KMT2E: variants seen among roughly 807,000 people sequenced by gnomAD.
KMT2E encodes lysine methyltransferase 2E (inactive).
A neutral mutation model predicts 184.6 loss-of-function variants in KMT2E; 30 were observed. The observed-to-expected ratio is 0.16, with a 90% CI of 0.12 to 0.22. The LOEUF (loss-of-function observed/expected upper bound fraction) is 0.22. Ranked by LOEUF, KMT2E falls within the 10% of genes least tolerant of loss-of-function variation. The pLI, the probability that KMT2E is intolerant of heterozygous loss-of-function variation, is 1.00. For missense variants in KMT2E, 2,023 were observed against 2,237.4 expected (o/e 0.90, Z 1.93); for synonymous variants, 815 against 776.5 (o/e 1.05, Z -0.82).
At chr7:105,084,634 A>G (rs1335349002) in intron 13 of KMT2E, among the ~76,000 whole-genome samples, 1 of 151,754 alleles carries the variant, frequency 6.6e-6, no homozygotes, top group Non-Finnish European at 1.5e-5. Flanking sequence ...CTCAAGAAAA[A>G]AAAAAAAATT....
intron 4 of KMT2E, among the ~76,000 whole-genome samples, chr7:105,062,768 C>T (rs1204150597): frequency 6.6e-6 from 1 of 151,686 alleles, no homozygotes; most frequent in Non-Finnish European, 1.5e-5. Flanking sequence ...AAAAGCCTAT[C>T]TAACTTATTA....
intron 26 of KMT2E, chr7:105,111,073 T>A (rs761026229): frequency 2.4e-5 from 13 of 551,882 alleles, no homozygotes; most frequent in African/African-American, 3.8e-5. Flanking sequence ...GACCAAACAT[T>A]CAAGTTTTCT....
chr7:105,018,493 G>A (rs1562871241), intron 1 of KMT2E, among the ~76,000 whole-genome samples: 1 of 152,170 alleles, frequency 6.6e-6, no homozygotes, highest in African/African-American at 2.4e-5. Context: ...AATATGTAGG[G>A]TGATCAGGGA....
intron 1 of KMT2E, among the ~76,000 whole-genome samples, chr7:105,024,351 A>G (rs1014260533): frequency 2.0e-5 from 3 of 152,216 alleles, no homozygotes; most frequent in Non-Finnish European, 2.9e-5. Flanking sequence ...GTGTTTAAAC[A>G]AAAGGTATGG....
chr7:105,096,273 A>G (rs1319668328), intron 15 of KMT2E, among the ~76,000 whole-genome samples: 1 of 141,726 alleles, frequency 7.1e-6, no homozygotes, highest in Non-Finnish European at 1.5e-5. Flanking sequence ...AAAAAAAAAG[A>G]CACTTCCTCC....
chr7:105,036,317 T>A (rs1321791906), intron 1 of KMT2E, among the ~76,000 whole-genome samples: 1 of 151,644 alleles, frequency 6.6e-6, no homozygotes, highest in East Asian at 1.9e-4. Context: ...GGATTACAGG[T>A]GTATCCACAC....
intron 3 of KMT2E, among the ~76,000 whole-genome samples, chr7:105,052,186 C>G (rs10953464): frequency 0.19 from 28,860 of 152,118 alleles, 3,485 homozygotes; most frequent in East Asian, 0.58. Flanking sequence ...CTCACTATTA[C>G]TTCCATATTG....
chr7:105,052,729 TTTTTTTTA>T (rs1438399722), intron 3 of KMT2E, among the ~76,000 whole-genome samples: 1 of 151,702 alleles, frequency 6.6e-6, no homozygotes, highest in Admixed American at 6.6e-5. Flanking sequence ...CAGCTAATTT[TTTTTTTTA>T]TTTTTTTATT....
In KMT2E at chr7:105,113,195, T is replaced by C. The variant is rs1799406955; in HGVS notation, c.5439T>C (p.Pro1813=). 1.9e-6 allele frequency: 3 copies of C among 1,614,242 alleles called. No homozygotes were observed. The highest frequency in any genetic ancestry group is 2.5e-6 in the Non-Finnish European group (3 of 1,180,038). The stretch of plus-strand genomic sequence containing the variant: ...CACCTACTGCTTCAGGGTTCTGTCC[T>C]CATCCTGGCTCTGTGGCCCTGCCAC... ...IPTPTASGFC[P]HPGSVALPHG... Residue 1813 remains proline, a synonymous_variant, in exon 27 of 27, where the codon CCT becomes CCC. Coordinates refer to ENST00000311117, the MANE Select transcript of KMT2E (RefSeq NM_182931.3).
At chr7:105,081,104 G>A (rs143480475) in intron 12 of KMT2E, among the ~76,000 whole-genome samples, 83 of 148,946 alleles carry the variant, frequency 5.6e-4, no homozygotes, top group African/African-American at 1.9e-3. Context: ...TGATGAGGCT[G>A]GGTGCGGTGG....
At chr7:105,075,304 A>C (rs1797483581) in intron 8 of KMT2E, among the ~76,000 whole-genome samples, 1 of 151,502 alleles carries the variant, frequency 6.6e-6, no homozygotes, top group South Asian at 2.1e-4. Context: ...CTCTAAATGG[A>C]GTTCACACTT....
chr7:105,069,106 C>T (rs1285897323), intron 6 of KMT2E, among the ~76,000 whole-genome samples: 1 of 152,000 alleles, frequency 6.6e-6, no homozygotes, highest in Non-Finnish European at 1.5e-5. Flanking sequence ...ACTTCTGTGC[C>T]CCAAATTCAG....
chr7:105,072,725 G>A (rs565547637), intron 6 of KMT2E, among the ~76,000 whole-genome samples: 1 of 152,162 alleles, frequency 6.6e-6, no homozygotes, highest in East Asian at 1.9e-4. Context: ...AGACCAGCCT[G>A]ACCAACATGG....
rs186577834 is a variant in KMT2E at position 105,029,945 on chromosome 7, A to G, written c.-188-8181A>G. On this transcript the variant is annotated intron_variant, in intron 1 of 26. Coordinates refer to ENST00000311117, the MANE Select transcript of KMT2E (RefSeq NM_182931.3). ...GAAGGAGGAGAGATTTATGTGTTAGAAAAAGGGAAATTGTGGTTTAATCAA... is the reference window on the plus strand; with the variant it reads ...GAAGGAGGAGAGATTTATGTGTTAGGAAAAGGGAAATTGTGGTTTAATCAA... Among the ~76,000 whole-genome samples the G allele has an allele frequency of 1.5e-3, 234 of 152,274 alleles. 1 individual carries two copies. The highest frequency in any genetic ancestry group is 5.3e-3 in the African/African-American group (220 of 41,566).
chr7:105,020,935 A>G lies in KMT2E; in HGVS notation c.-189+6400A>G, dbSNP rs78265604. Among the ~76,000 whole-genome samples, 25 of 152,260 alleles carry G rather than the reference A, an allele frequency of 1.6e-4. No individual in the cohort carries two copies. In the East Asian group the frequency reaches 4.4e-3, roughly 27 times the overall value. The stretch of plus-strand genomic sequence containing the variant: ...CTTTCAGAGAATGTGTATGAGAAAC[A>G]TACACTCTTCTAATATTTTTGTTTT... On this transcript the variant is annotated intron_variant, in intron 1 of 26. Coordinates refer to ENST00000311117, the MANE Select transcript of KMT2E (RefSeq NM_182931.3).
Position 105,106,607 on chromosome 7 carries a change from G to A in KMT2E, c.2682G>A (p.Pro894=), listed in dbSNP as rs1014266877. ...YSETSTPTPS[P]YATPTHTDIT... ...AAACCTCCACACCTACTCCTTCCCC[G>A]TATGCTACACCAACTCACACCGATA... is the stretch of plus-strand genomic sequence containing the variant. The change falls in exon 20 of 27, where the codon CCG becomes CCA. Residue 894 remains proline, a synonymous_variant. Coordinates refer to ENST00000311117, the MANE Select transcript of KMT2E (RefSeq NM_182931.3). The A allele has an allele frequency of 1.4e-5, 23 of 1,613,854 alleles. No individual in the cohort carries two copies. Among genetic ancestry groups the A allele is most frequent in the East Asian group, 2.2e-5 (1 of 44,882 alleles).
At chr7:105,053,828 TC>T (rs1796446096) in intron 3 of KMT2E, among the ~76,000 whole-genome samples, 1 of 152,134 alleles carries the variant, frequency 6.6e-6, no homozygotes, top group African/African-American at 2.4e-5. Flanking sequence ...TTAGCTATGC[TC>T]ACACCACTGC....
chr7:105,065,701 CT>C (rs746398723), intron 5 of KMT2E, among the ~76,000 whole-genome samples: 10 of 152,148 alleles, frequency 6.6e-5, no homozygotes, highest in African/African-American at 1.2e-4. Context: ...TTCTGCCCCC[CT>C]CTCTCCCTCT....
intron 6 of KMT2E, among the ~76,000 whole-genome samples, chr7:105,069,386 T>C (rs1033832369): frequency 1.3e-5 from 2 of 152,256 alleles, no homozygotes; most frequent in African/African-American, 4.8e-5. Context: ...GTTAACTGTT[T>C]AATCCTACAC....
Sources: allele counts gnomAD v4.1 joint callset (sites outside exome capture counted in the v4.1 genomes callset), GRCh38; gene constraint gnomAD v4.1.1; transcripts MANE v1.5; gene names NCBI Gene and HGNC (gene_info 2026-07-23, HGNC 2026-07-21).